The following PDE12 variants were observed in gnomAD, a reference collection of about 807,000 sequenced individuals.
The protein encoded by PDE12 is phosphodiesterase 12.
Under a neutral mutation model 45.4 loss-of-function variants are expected in PDE12, and 26 were observed. That is an observed-to-expected ratio of 0.57 (90% CI 0.42 to 0.79). The LOEUF is 0.79. Among genes scored for constraint, PDE12 ranks in the 30% least tolerant of loss-of-function variants. The pLI, the probability that PDE12 is intolerant of heterozygous loss-of-function variation, is 0.00. For synonymous variants in PDE12, 283 were observed against 323.9 expected (o/e 0.87, Z 1.36); for missense variants, 668 against 790.0 (o/e 0.85, Z 1.85).
At chr3:57,585,848 G>C in the PDE12 span, among the ~76,000 whole-genome samples, 3 of 152,024 alleles carry the variant, frequency 2.0e-5, no homozygotes, top group Admixed American at 2.0e-4. Flanking sequence ...TTTTAGTAGA[G>C]ACGGGGTTTC....
the PDE12 span, chr3:57,628,983 GA>G: frequency 1.9e-6 from 2 of 1,035,192 alleles, no homozygotes; most frequent in South Asian, 1.6e-5. Flanking sequence ...AGACAAGAAG[GA>G]AAAGGAGAAC....
At chr3:57,613,126 G>A in the PDE12 span, among the ~76,000 whole-genome samples, 1,405 of 151,026 alleles carry the variant, frequency 9.3e-3, 29 homozygotes, top group Admixed American at 0.052. Flanking sequence ...GACTACAGGC[G>A]CCTGCGACCG....
the PDE12 span, among the ~76,000 whole-genome samples, chr3:57,653,422 CA>C: frequency 6.6e-6 from 1 of 151,900 alleles, no homozygotes; most frequent in African/African-American, 2.4e-5. Context: ...TTTTAATATT[CA>C]GGAAAGGAAA....
Position 57,561,387 on chromosome 3 carries a change from T to C in PDE12, c.*1383T>C. 2.0e-6 allele frequency: 2 copies of C among 983,434 alleles called. No individual in the cohort carries two copies. The highest frequency in any genetic ancestry group is 2.4e-6 in the Non-Finnish European group (2 of 827,806). The allele number at this position is 983,434 out of a possible 1,614,324, so 60.9% of individuals were successfully genotyped here. A position where few individuals can be genotyped will look rare whatever the true frequency, so the allele number is the denominator to read the frequency against. On this transcript the variant is annotated 3_prime_UTR_variant, in exon 3 of 3. Transcript: ENST00000311180. ...AAAAACTTCTTTTTACAGACAAGCA[T>C]TATAGTTTGAGTTACAGACAACAGT...
chr3:57,631,521 T>G, the PDE12 span, among the ~76,000 whole-genome samples: 2 of 151,826 alleles, frequency 1.3e-5, no homozygotes, highest in Non-Finnish European at 2.9e-5. Context: ...ACGATAATAG[T>G]TAACCTTACT....
chr3:57,603,603 C>T, the PDE12 span, among the ~76,000 whole-genome samples: 2 of 151,050 alleles, frequency 1.3e-5, no homozygotes, highest in Non-Finnish European at 2.9e-5. Context: ...AAGCATGAGC[C>T]ACCATGGCCG....
chr3:57,583,824 T>C, the PDE12 span: 4 of 1,006,236 alleles, frequency 4.0e-6, no homozygotes, highest in Non-Finnish European at 6.1e-6. Flanking sequence ...TCCAAGTAAA[T>C]ACTAGATACT....
At position 57,559,696 on chromosome 3, in the gene PDE12, T is replaced by G; in HGVS notation, c.1522T>G (p.Phe508Val). The G allele has an allele frequency of 4.3e-6, 7 of 1,614,200 alleles. No individual in the cohort carries two copies. The highest frequency in any genetic ancestry group is 5.9e-6 in the Non-Finnish European group (7 of 1,180,038). The change falls in exon 3 of 3, where the codon TTT becomes GTT. Residue 508 changes from phenylalanine to valine, a missense_variant. Coordinates refer to ENST00000311180, the MANE Select transcript of PDE12 (RefSeq NM_177966.7). ...NSTPSTGMYH[F>V]VINGSIPEDH... The stretch of plus-strand genomic sequence containing the variant: ...TACACCATCAACAGGAATGTATCAT[T>G]TTGTCATCAATGGCAGCATTCCAGA...
At chr3:57,567,155 C>CA (rs1049963990), downstream of PDE12, among the ~76,000 whole-genome samples, 5 of 151,800 alleles carry the variant, frequency 3.3e-5, no homozygotes, top group Non-Finnish European at 7.4e-5. Flanking sequence ...ACTAAAAATA[C>CA]AAAAAAATTA....
the PDE12 span, among the ~76,000 whole-genome samples, chr3:57,655,323 G>A: frequency 1.3e-5 from 2 of 152,220 alleles, no homozygotes; most frequent in Non-Finnish European, 2.9e-5. Flanking sequence ...GTGAGCCACT[G>A]CATCTGGCGG....
the PDE12 span, among the ~76,000 whole-genome samples, chr3:57,621,254 G>A: frequency 6.6e-6 from 1 of 152,184 alleles, no homozygotes; most frequent in African/African-American, 2.4e-5. Context: ...TCAACAAATG[G>A]TGCTGGGACA....
At chr3:57,596,168 C>A in the PDE12 span, among the ~76,000 whole-genome samples, 1 of 151,828 alleles carries the variant, frequency 6.6e-6, no homozygotes, top group Non-Finnish European at 1.5e-5. Context: ...AAAACACGCC[C>A]CCTAAAAAGT....
At chr3:57,559,536 T>TA in intron 2 of PDE12, 26 bp from the exon 3 acceptor site, 1 of 1,573,864 alleles carries the variant, frequency 6.4e-7, no homozygotes, top group South Asian at 1.2e-5. Flanking sequence ...AAAAAATACT[T>TA]ACATTAATGT....
chr3:57,583,748 T>C, the PDE12 span: 1 of 645,016 alleles, frequency 1.6e-6, no homozygotes, highest in Non-Finnish European at 2.7e-6. Context: ...AAGGCCTAAG[T>C]GAGAGTCCAC....
chr3:57,557,634 G>T lies in PDE12; in HGVS notation c.1255G>T (p.Val419Phe). 1 of 1,614,144 alleles carries T rather than the reference G, an allele frequency of 6.2e-7. No homozygotes were observed. The highest frequency in any genetic ancestry group is 8.5e-7 in the Non-Finnish European group (1 of 1,180,046). ...PLHKELLEKLVLYPSAQEKVL... is the reference protein window; with the variant it reads ...PLHKELLEKLFLYPSAQEKVL... The stretch of plus-strand genomic sequence containing the variant: ...TCACAAAGAACTGCTGGAGAAACTA[G>T]TTTTGTACCCATCAGCGCAGGAGAA... The change falls in exon 1 of 3, where the codon GTT (valine) becomes TTT (phenylalanine). Residue 419 changes from valine to phenylalanine, a missense_variant. Transcript: ENST00000311180.
At chr3:57,621,524 G>T in the PDE12 span, among the ~76,000 whole-genome samples, 2 of 152,060 alleles carry the variant, frequency 1.3e-5, no homozygotes, top group Admixed American at 6.5e-5. Flanking sequence ...ACAAAAATTA[G>T]CCAGGCGTGG....
chr3:57,557,763 T>C, intron 1 of PDE12, 76 bp downstream of exon 1: 2 of 1,315,096 alleles, frequency 1.5e-6, no homozygotes, highest in East Asian at 2.3e-5. Context: ...GAGGTGGGGG[T>C]TAAAAGTGCG....
the PDE12 span, among the ~76,000 whole-genome samples, chr3:57,606,357 T>A: frequency 6.6e-6 from 1 of 152,034 alleles, no homozygotes; most frequent in South Asian, 2.1e-4. Flanking sequence ...GTAAAAAAGG[T>A]CAGCCTAGAA....
Position 57,557,084 on chromosome 3 carries a change from C to T in PDE12, c.705C>T (p.Tyr235=). The change falls in exon 1 of 3, where the codon TAC becomes TAT. Residue 235 remains tyrosine (Y), a synonymous_variant. Coordinates refer to ENST00000311180, the MANE Select transcript of PDE12 (RefSeq NM_177966.7). The part of the protein sequence containing the change: ...WTETDVEERV[Y]TPSNADIGLR... ...AGACTGATGTGGAGGAGCGTGTCTACACCCCGTCCAATGCCGACATCGGGC... is the reference window on the plus strand; with the variant it reads ...AGACTGATGTGGAGGAGCGTGTCTATACCCCGTCCAATGCCGACATCGGGC... The T allele has an allele frequency of 6.2e-7, 1 of 1,614,066 alleles. No individual in the cohort carries two copies. Among genetic ancestry groups the T allele is most frequent in the Middle Eastern group, 1.6e-4 (1 of 6,062 alleles).
Sources: gnomAD v4.1 joint callset for allele counts (sites outside exome capture counted in the v4.1 genomes callset) on GRCh38, gnomAD v4.1.1 for gene constraint, MANE v1.5 for transcripts, NCBI Gene and HGNC (gene_info 2026-07-23, HGNC 2026-07-21) for gene names.